The following MGAT4C variants were observed in gnomAD, a reference collection of about 807,000 sequenced individuals.
MGAT4C encodes the protein MGAT4 family member C.
MGAT4C carries 19 observed loss-of-function variants against 40.1 expected under a neutral mutation model. The observed-to-expected ratio is 0.47, with a 90% CI of 0.33 to 0.70. The LOEUF (loss-of-function observed/expected upper bound fraction) is 0.70. Ranked by LOEUF, MGAT4C falls within the 30% of genes least tolerant of loss-of-function variation. The pLI is 0.02. For synonymous variants in MGAT4C, 181 were observed against 187.1 expected, an observed-to-expected ratio of 0.97 and a Z score of 0.27; for missense variants, 491 against 563.2, an observed-to-expected ratio of 0.87 and a Z score of 1.30.
chr12:86,000,193 A>C (rs891638319), intron 2 of MGAT4C, among the ~76,000 whole-genome samples: 1 of 152,176 alleles, frequency 6.6e-6, no homozygotes, highest in Non-Finnish European at 1.5e-5. Context: ...ACTAACCCCA[A>C]AGTAAGCTAC....
chr12:85,965,708 T>C lies in MGAT4C; in HGVS notation c.*13581A>G, dbSNP rs1260449390. 1 of 151,952 alleles carries C rather than the reference T, an allele frequency of 6.6e-6. No homozygotes were observed. Among genetic ancestry groups the C allele is most frequent in the Non-Finnish European group, 1.5e-5 (1 of 67,990 alleles). 9.4% of individuals were successfully genotyped at this position (151,952 alleles called of 1,614,324 possible). A position where few individuals can be genotyped will look rare whatever the true frequency, so the allele number is the denominator to read the frequency against. On this transcript the variant is annotated 3_prime_UTR_variant, in exon 5 of 5. Transcript: ENST00000611864. The stretch of plus-strand genomic sequence containing the variant: ...ACTGTTCATGAAGTGATCAATTGAA[T>C]TTGAAACAGAACTTTTCCTAGCTTC...
intron 2 of MGAT4C, among the ~76,000 whole-genome samples, chr12:86,671,140 G>T (rs544082681): frequency 1.4e-3 from 212 of 152,302 alleles, no homozygotes; most frequent in Admixed American, 5.8e-3. Context: ...TTTGGACAAA[G>T]ATTTATTTAA....
intron 4 of MGAT4C, among the ~76,000 whole-genome samples, chr12:86,268,479 G>C (rs2136104560): frequency 6.6e-6 from 1 of 151,624 alleles, no homozygotes; most frequent in South Asian, 2.1e-4. Context: ...TCACTTCAGT[G>C]AATGTATATT....
At chr12:85,984,457 A>G (rs1191993518) in intron 3 of MGAT4C, among the ~76,000 whole-genome samples, 5 of 152,058 alleles carry the variant, frequency 3.3e-5, no homozygotes, top group African/African-American at 1.2e-4. Context: ...TTATTTGGTG[A>G]TGGATTTTGC....
intron 2 of MGAT4C, among the ~76,000 whole-genome samples, chr12:86,692,858 T>C (rs1200369725): frequency 6.6e-6 from 1 of 152,104 alleles, no homozygotes; most frequent in Non-Finnish European, 1.5e-5. Context: ...CCACACAAAT[T>C]GTTTGTTACG....
chr12:86,174,766 T>A (rs1315446829), intron 1 of MGAT4C, among the ~76,000 whole-genome samples: 2 of 151,868 alleles, frequency 1.3e-5, no homozygotes, highest in African/African-American at 4.8e-5. Context: ...TAAAAATAAA[T>A]TTGTTATTTT....
chr12:85,979,872 C>G lies in MGAT4C; in HGVS notation c.854G>C (p.Cys285Ser). 2 of 1,613,724 alleles carry G rather than the reference C, an allele frequency of 1.2e-6. No homozygotes were observed. The highest frequency in any genetic ancestry group is 1.7e-6 in the Non-Finnish European group (2 of 1,179,802). ...FLLMFYQEMPCDWLLTHFRGL... is the reference protein window; with the variant it reads ...FLLMFYQEMPSDWLLTHFRGL... ...ACGGAAATGAGTCAATAGCCAATCA[C>G]AAGGCATTTCTTGATAAAACATTAA... The change falls in exon 5 of 5, where the codon TGT becomes TCT. Residue 285 changes from cysteine to serine, a missense_variant. Physicochemically the swap from Cys to Ser is moderately radical, Grantham distance 112 (BLOSUM62 -1). Coordinates refer to ENST00000611864, the MANE Select transcript of MGAT4C (RefSeq NM_001351288.2).
intron 2 of MGAT4C, among the ~76,000 whole-genome samples, chr12:86,464,358 TG>T (rs1182319092): frequency 2.0e-5 from 3 of 152,124 alleles, no homozygotes; most frequent in African/African-American, 7.2e-5. Context: ...GAGTAAGCAG[TG>T]GGAATAGAGA....
intron 2 of MGAT4C, among the ~76,000 whole-genome samples, chr12:86,500,096 A>T (rs934230933): frequency 4.6e-5 from 7 of 151,876 alleles, no homozygotes; most frequent in African/African-American, 1.2e-4. Context: ...ATGAAAAAAA[A>T]ATTGCTGAAT....
rs189092127 is a variant in MGAT4C at position 85,989,390 on chromosome 12, C to T, written c.147+10G>A. On this transcript the variant is annotated intron_variant, in intron 3 of 4. Coordinates refer to ENST00000611864, the MANE Select transcript of MGAT4C (RefSeq NM_001351288.2). The stretch of plus-strand genomic sequence containing the variant: ...TTTTGAAGAAAAGACAATCAACCTC[C>T]CAAACTTACCAGAACATAGCTATCT... 464 of 1,561,144 alleles carry T rather than the reference C, an allele frequency of 3.0e-4. 1 individual carries two copies. The highest frequency in any genetic ancestry group is 3.4e-4 in the Non-Finnish European group (397 of 1,156,096).
At chr12:86,014,488 A>G (rs1442346564) in intron 2 of MGAT4C, among the ~76,000 whole-genome samples, 3 of 152,132 alleles carry the variant, frequency 2.0e-5, no homozygotes, top group Non-Finnish European at 4.4e-5. Context: ...GGCTGCCTGC[A>G]AATGATCTCA....
At chr12:86,202,627 C>T (rs1266113595) in intron 1 of MGAT4C, among the ~76,000 whole-genome samples, 3 of 152,050 alleles carry the variant, frequency 2.0e-5, no homozygotes, top group East Asian at 1.9e-4. Context: ...GAACCACACT[C>T]ATTGCTATAT....
In MGAT4C at chr12:86,497,577, G is replaced by T. The variant is rs896194976; in HGVS notation, c.-228-62312C>A. Among the ~76,000 whole-genome samples the T allele has an allele frequency of 2.0e-5, 3 of 151,674 alleles. No individual in the cohort carries two copies. The Admixed American group carries it at 2.0e-4, about 10-fold the overall frequency. Reference sequence around the variant, plus strand: ...TCATTTCTAGACAGTAAAGCTAGAAGCTATAAAATATATGACAGTGTCAGG... The same window carrying T: ...TCATTTCTAGACAGTAAAGCTAGAATCTATAAAATATATGACAGTGTCAGG... On this transcript the variant is annotated intron_variant, in intron 2 of 7. Coordinates refer to the MGAT4C transcript ENST00000548651.
At chr12:86,446,662 T>C (rs1565769299) in intron 2 of MGAT4C, among the ~76,000 whole-genome samples, 1 of 50,960 alleles carries the variant, frequency 2.0e-5, no homozygotes, top group South Asian at 8.3e-4. Context: ...GTAACTCATA[T>C]ATATATATAT....
intron 2 of MGAT4C, among the ~76,000 whole-genome samples, chr12:86,501,790 T>A (rs574446940): frequency 6.6e-6 from 1 of 152,112 alleles, no homozygotes; most frequent in Admixed American, 6.6e-5. Context: ...TTGTGAATAG[T>A]GCTGCAATGA....
intron 3 of MGAT4C, among the ~76,000 whole-genome samples, chr12:86,414,434 A>T (rs992399883): frequency 6.6e-6 from 1 of 152,158 alleles, no homozygotes; most frequent in Non-Finnish European, 1.5e-5. Flanking sequence ...TCCTATTCTC[A>T]TAAGAACAAT....
chr12:86,488,571 T>C (rs1958070070), intron 2 of MGAT4C, among the ~76,000 whole-genome samples: 1 of 152,212 alleles, frequency 6.6e-6, no homozygotes, highest in Admixed American at 6.5e-5. Context: ...GTCCTTTATA[T>C]ATTTCACTTC....
At chr12:86,345,088 A>G (rs913823743) in intron 3 of MGAT4C, among the ~76,000 whole-genome samples, 7 of 151,898 alleles carry the variant, frequency 4.6e-5, no homozygotes, top group African/African-American at 1.7e-4. Flanking sequence ...GAACAGACAA[A>G]TATGTCACAC....
At chr12:86,156,025 C>T (rs1207128746) in intron 1 of MGAT4C, among the ~76,000 whole-genome samples, 2 of 152,194 alleles carry the variant, frequency 1.3e-5, no homozygotes, top group East Asian at 3.9e-4. Flanking sequence ...TTGTCTCCAA[C>T]CTGGAAATCT....
Sources: allele counts gnomAD v4.1 joint callset (sites outside exome capture counted in the v4.1 genomes callset), GRCh38; gene constraint gnomAD v4.1.1; transcripts MANE v1.5; gene names NCBI Gene and HGNC (gene_info 2026-07-23, HGNC 2026-07-21).